ARID5B: variants seen among roughly 807,000 people sequenced by gnomAD.
The protein encoded by ARID5B is AT-rich interactive domain-containing protein 5B.
ARID5B carries 13 observed loss-of-function variants against 97.2 expected under a neutral mutation model. That is an observed-to-expected ratio of 0.13 (90% CI 0.09 to 0.21). ARID5B has a LOEUF of 0.21. ARID5B is among the 10% of genes least tolerant of loss of function. ARID5B has a pLI of 1.00. For synonymous variants in ARID5B, 556 were observed against 570.3 expected (o/e 0.97, Z 0.36); for missense variants, 1,210 against 1,465.3 (o/e 0.83, Z 2.84).
intron 6 of ARID5B, 92 bp from the exon 7 acceptor site, chr10:62,059,151 C>G: frequency 3.8e-6 from 4 of 1,060,014 alleles, no homozygotes; most frequent in Non-Finnish European, 5.4e-6. Flanking sequence ...CTTTTTTTCT[C>G]TTTCTCGTTG....
intron 3 of ARID5B, among the ~76,000 whole-genome samples, chr10:61,990,385 A>C (rs1838907604): frequency 6.6e-6 from 1 of 152,234 alleles, no homozygotes; most frequent in Admixed American, 6.5e-5. Flanking sequence ...TTGTCTAAAA[A>C]AGGCCTGCCA....
At chr10:61,916,471 G>C (rs1474667440) in intron 2 of ARID5B, among the ~76,000 whole-genome samples, 1 of 152,078 alleles carries the variant, frequency 6.6e-6, no homozygotes, top group East Asian at 1.9e-4. Context: ...ATTAATAAAA[G>C]TAATAGTAAA....
At chr10:62,072,694 T>C (rs1022820186) in intron 8 of ARID5B, among the ~76,000 whole-genome samples, 18 of 152,248 alleles carry the variant, frequency 1.2e-4, no homozygotes, top group African/African-American at 4.3e-4. Context: ...CACATCCTTG[T>C]GATCAGATGC....
At chr10:62,049,282 C>G in intron 4 of ARID5B, 1 of 1,454,208 alleles carries the variant, frequency 6.9e-7, no homozygotes, top group South Asian at 1.4e-5. Context: ...GTGCTAGTCA[C>G]TGCTGTGTGT....
At chr10:62,004,599 CT>C (rs1839122929) in intron 4 of ARID5B, among the ~76,000 whole-genome samples, 1 of 152,334 alleles carries the variant, frequency 6.6e-6, no homozygotes, top group South Asian at 2.1e-4. Context: ...CCAACAACCC[CT>C]ACCTTGCTTT....
chr10:62,027,233 C>G (rs534790477), intron 4 of ARID5B, among the ~76,000 whole-genome samples: 25 of 147,040 alleles, frequency 1.7e-4, no homozygotes, highest in Non-Finnish European at 3.1e-4. Flanking sequence ...TCCTGGAGGC[C>G]TGCAACATGA....
At chr10:61,964,016 G>A (rs1838510220) in intron 3 of ARID5B, among the ~76,000 whole-genome samples, 1 of 152,084 alleles carries the variant, frequency 6.6e-6, no homozygotes, top group Non-Finnish European at 1.5e-5. Flanking sequence ...TTTTAGATTT[G>A]CACCTTTCTT....
chr10:61,990,932 C>T (rs866221464), intron 3 of ARID5B, among the ~76,000 whole-genome samples: 1 of 151,982 alleles, frequency 6.6e-6, no homozygotes, highest in Non-Finnish European at 1.5e-5. Context: ...CCCTCCTAGA[C>T]CCCCTGCACC....
intron 3 of ARID5B, among the ~76,000 whole-genome samples, chr10:61,991,832 C>A (rs1838929604): frequency 1.3e-5 from 2 of 152,100 alleles, no homozygotes; most frequent in South Asian, 4.1e-4. Context: ...GAGTTCGAGA[C>A]CAGCTTAAAT....
intron 4 of ARID5B, among the ~76,000 whole-genome samples, chr10:62,044,570 A>T (rs954969928): frequency 6.6e-6 from 1 of 151,936 alleles, no homozygotes; most frequent in African/African-American, 2.4e-5. Flanking sequence ...CAGGGGTCTC[A>T]TTACATTGCC....
intron 9 of ARID5B, among the ~76,000 whole-genome samples, chr10:62,086,369 T>G (rs1840280409): frequency 6.6e-6 from 1 of 151,718 alleles, no homozygotes; most frequent in Non-Finnish European, 1.5e-5. Context: ...GCAGGTGGAT[T>G]GCTTGAGCCC....
intron 7 of ARID5B, among the ~76,000 whole-genome samples, chr10:62,060,474 G>T (rs907104965): frequency 3.3e-5 from 5 of 152,130 alleles, no homozygotes; most frequent in Admixed American, 3.3e-4. Flanking sequence ...TATAAAATGT[G>T]CATTTCATAT....
intron 4 of ARID5B, among the ~76,000 whole-genome samples, chr10:62,002,166 G>C (rs1336627099): frequency 1.3e-5 from 2 of 152,182 alleles, no homozygotes; most frequent in African/African-American, 4.8e-5. Context: ...GTTAATTTAA[G>C]AATTATTAGT....
chr10:62,023,628 T>C (rs1401476000), intron 4 of ARID5B, among the ~76,000 whole-genome samples: 2 of 152,118 alleles, frequency 1.3e-5, no homozygotes, highest in African/African-American at 4.8e-5. Flanking sequence ...TTGGTGAGAT[T>C]AGGAAAGAAA....
Position 61,991,751 on chromosome 10 carries a change from C to T in ARID5B, c.503-8340C>T, listed in dbSNP as rs7100837. 9.8e-3 allele frequency among the ~76,000 whole-genome samples: 1,492 copies of T among 152,236 alleles called. 27 individuals carry two copies. Among genetic ancestry groups the T allele is most frequent in the African/African-American group, 0.034 (1,423 of 41,530 alleles). ...ATGGTTAAAAAATCATTGTGGAGGC[C>T]AGGCACGGTGGCTCACGCCTGTAAT... On this transcript the variant is annotated intron_variant, in intron 3 of 9. Coordinates refer to ENST00000279873, the MANE Select transcript of ARID5B (RefSeq NM_032199.3).
At chr10:61,935,294 T>C (rs993647904) in intron 2 of ARID5B, among the ~76,000 whole-genome samples, 1 of 151,992 alleles carries the variant, frequency 6.6e-6, no homozygotes, top group African/African-American at 2.4e-5. Flanking sequence ...ATCACCAAAA[T>C]TGAAACAAAC....
chr10:61,986,445 C>A (rs1311780107), intron 3 of ARID5B, among the ~76,000 whole-genome samples: 1 of 152,100 alleles, frequency 6.6e-6, no homozygotes, highest in African/African-American at 2.4e-5. Context: ...CTGAAGGGAG[C>A]AGGGCAATTG....
chr10:62,017,452 GA>G (rs909775803), intron 4 of ARID5B, among the ~76,000 whole-genome samples: 21 of 143,826 alleles, frequency 1.5e-4, no homozygotes, highest in South Asian at 4.3e-4. Context: ...ACCCCGTCTC[GA>G]AAAAAAAAAT....
chr10:61,928,714 C>T (rs930203883), intron 2 of ARID5B, among the ~76,000 whole-genome samples: 6 of 152,176 alleles, frequency 3.9e-5, no homozygotes, highest in Non-Finnish European at 7.4e-5. Flanking sequence ...GCATTGTCCC[C>T]ATTTTTCTCA....
Sources: allele counts gnomAD v4.1 joint callset (sites outside exome capture counted in the v4.1 genomes callset), GRCh38; gene constraint gnomAD v4.1.1; transcripts MANE v1.5; gene names NCBI Gene and HGNC (gene_info 2026-07-23, HGNC 2026-07-21).